The following SNED1 variants were observed in gnomAD, a reference collection of about 807,000 sequenced individuals.
The protein encoded by SNED1 is sushi, nidogen and EGF-like domain-containing protein 1.
SNED1 carries 81 observed loss-of-function variants against 166.7 expected under a neutral mutation model. The observed-to-expected ratio is 0.49, with a 90% confidence interval of 0.41 to 0.58. The LOEUF is 0.58. SNED1 is among the 20% of genes least tolerant of loss of function. The probability of loss-of-function intolerance (pLI) is 0.00; values close to 1 mark genes in which losing one functional copy is unlikely to be tolerated. For synonymous variants in SNED1, 762 were observed against 822.0 expected (o/e 0.93, Z 1.25); for missense variants, 1,604 against 2,000.2 (o/e 0.80, Z 3.78).
intron 27 of SNED1, among the ~76,000 whole-genome samples, chr2:241,080,224 C>T (rs1046561195): frequency 6.6e-6 from 1 of 152,158 alleles, no homozygotes; most frequent in Non-Finnish European, 1.5e-5. Context: ...GCAGAGGTTA[C>T]AGTGAGCTGA....
chr2:241,000,242 T>C (rs534897661), intron 1 of SNED1, among the ~76,000 whole-genome samples: 4 of 152,002 alleles, frequency 2.6e-5, no homozygotes, highest in African/African-American at 9.7e-5. Flanking sequence ...TGCCCTCTAG[T>C]GCGCCTCCCA....
intron 13 of SNED1, 36 bp from the exon 14 acceptor site, chr2:241,052,005 A>C (rs755828824): frequency 3.2e-6 from 5 of 1,582,964 alleles, no homozygotes; most frequent in Non-Finnish European, 3.5e-6. Context: ...TGGGAGGGGC[A>C]GTGGGCTGTG....
In SNED1 at chr2:241,065,579, G is replaced by A. The variant is rs767119044; in HGVS notation, c.2994G>A (p.Val998=). The change falls in exon 21 of 32, where the codon GTG becomes GTA. Residue 998 remains valine (V), a synonymous_variant. Transcript: ENST00000310397. The part of the protein sequence containing the change: ...NNKNDISRPA[V]LLARTRPRPV... ...AGAATGACATCAGCAGGCCTGCCGTGCTGCTGGCCCGCACGCGTGAGTGTC... is the reference window on the plus strand; with the variant it reads ...AGAATGACATCAGCAGGCCTGCCGTACTGCTGGCCCGCACGCGTGAGTGTC... The A allele has an allele frequency of 1.9e-6, 3 of 1,612,198 alleles. No homozygotes were observed. The highest frequency in any genetic ancestry group is 2.2e-5 in the South Asian group (2 of 91,042).
chr2:240,998,849 C>T lies in SNED1; in HGVS notation c.12C>T (p.Gly4=). 8.3e-7 allele frequency: 1 copy of T among 1,202,844 alleles called. No individual in the cohort carries two copies. Among genetic ancestry groups the T allele is most frequent in the Non-Finnish European group, 1.0e-6 (1 of 971,790 alleles). The allele number at this position is 1,202,844 out of a possible 1,614,324, so 74.5% of individuals were successfully genotyped here. A position where few individuals can be genotyped will look rare whatever the true frequency, so the allele number is the denominator to read the frequency against. The change falls in exon 1 of 32, where the codon GGC becomes GGT. Residue 4 remains glycine, a synonymous_variant. Coordinates refer to ENST00000310397, the MANE Select transcript of SNED1 (RefSeq NM_001080437.3). The stretch of plus-strand genomic sequence containing the variant: ...CGCACACCTCCGCGATGCGGCACGG[C>T]GTCGCCTGGGCGCTGCTGGTGGCCG... MRH[G]VAWALLVAAA...
chr2:241,044,600 A>G (rs941957228), intron 8 of SNED1, among the ~76,000 whole-genome samples: 1 of 152,234 alleles, frequency 6.6e-6, no homozygotes, highest in African/African-American at 2.4e-5. Context: ...CCTCAAAACC[A>G]GAAGTGGGCA....
Position 241,067,829 on chromosome 2 carries a change from G to A in SNED1, c.3076G>A (p.Ala1026Thr), listed in dbSNP as rs770541043. 6.2e-7 allele frequency: 1 copy of A among 1,613,446 alleles called. No individual in the cohort carries two copies. Among genetic ancestry groups the A allele is most frequent in the Non-Finnish European group, 8.5e-7 (1 of 1,179,756 alleles). The change falls in exon 22 of 32, where the codon GCC (alanine) becomes ACC (threonine). Residue 1026 changes from alanine (A) to threonine (T), a missense_variant. Physicochemically the swap from Ala to Thr is moderately conservative, Grantham distance 58. Around this residue, in one of 2 missense-constraint regions of SNED1, gnomAD observed 1,237 missense variants for 1,620.8 expected, o/e 0.76. Transcript: ENST00000310397. Reference sequence around the variant, plus strand: ...GGCTAGCACCATCTCAGTGCAGTGGGCCCTGCACAGGATCCGCCATGCCAC... The same window carrying A: ...GGCTAGCACCATCTCAGTGCAGTGGACCCTGCACAGGATCCGCCATGCCAC... ...VTASTISVQW[A>T]LHRIRHATVS... is the part of the protein sequence containing the mutation.
rs1253489482 is a variant in SNED1, at chr2:241,094,779, G to T, written c.*3143G>T. ...CCCACTAGAATCCTACAATCTACCAGATCCTAGGATCTAGTTGATCCTAGA... is the reference window on the plus strand; with the variant it reads ...CCCACTAGAATCCTACAATCTACCATATCCTAGGATCTAGTTGATCCTAGA... On this transcript the variant is annotated 3_prime_UTR_variant, in exon 32 of 32. Transcript: ENST00000310397. This position sits in a 1 kb window ranked among gnomAD's most constrained non-coding sequence, Gnocchi z 4.3. 3 of 168,184 alleles carry T rather than the reference G, an allele frequency of 1.8e-5. No individual in the cohort carries two copies. Among genetic ancestry groups the T allele is most frequent in the Admixed American group, 1.2e-4 (2 of 17,166 alleles). The allele number at this position is 168,184 out of a possible 1,614,324, so 10.4% of individuals were successfully genotyped here.
rs1273334209 is a variant in SNED1 at position 241,044,715 on chromosome 2, C to CACTT, written c.1274-3600_1274-3599insACTT. Among the ~76,000 whole-genome samples, 99 of 152,248 alleles carry CACTT rather than the reference C, an allele frequency of 6.5e-4. 1 individual carries two copies. Among genetic ancestry groups the CACTT allele is most frequent in the African/African-American group, 2.2e-3 (92 of 41,542 alleles). ...GGAATCCTCAAGTGCCCTTAAACTG[C>CACTT]GAAGGAAGAAACCTTCCTCTCCAGT... is the stretch of plus-strand genomic sequence containing the variant. On this transcript the variant is annotated intron_variant, in intron 8 of 31. Coordinates refer to ENST00000310397, the MANE Select transcript of SNED1 (RefSeq NM_001080437.3).
intron 30 of SNED1, chr2:241,087,907 G>C (rs540412121): frequency 7.2e-6 from 3 of 418,732 alleles, no homozygotes; most frequent in Admixed American, 8.3e-5. Context: ...AAAGAAGTAC[G>C]TGAGAATATT....
Position 241,057,340 on chromosome 2 carries a change from T to C in SNED1, c.2257+4014T>C, listed in dbSNP as rs184410884. Among the ~76,000 whole-genome samples the C allele has an allele frequency of 1.3e-3, 186 of 146,816 alleles. 2 individuals carry two copies. Among genetic ancestry groups the C allele is most frequent in the African/African-American group, 4.5e-3 (175 of 38,988 alleles). Reference sequence around the variant, plus strand: ...GTTGCAATGAGCCGAGATTGCGCCATTGCACTCCAGCCTGGGCGACGAGCA... The same window carrying C: ...GTTGCAATGAGCCGAGATTGCGCCACTGCACTCCAGCCTGGGCGACGAGCA... On this transcript the variant is annotated intron_variant, in intron 16 of 31. Transcript: ENST00000310397.
chr2:241,086,754 T>C (rs752559080), intron 29 of SNED1, among the ~76,000 whole-genome samples: 4 of 152,232 alleles, frequency 2.6e-5, no homozygotes, highest in Non-Finnish European at 4.4e-5. Context: ...CTCCTTGGAT[T>C]TCCCTTTTAA....
chr2:241,041,056 T>A (rs1024776333), intron 8 of SNED1: 5 of 348,490 alleles, frequency 1.4e-5, no homozygotes, highest in Non-Finnish European at 2.3e-5. Flanking sequence ...AGACAAACTA[T>A]TCAGGTTATT....
intron 1 of SNED1, among the ~76,000 whole-genome samples, chr2:241,022,386 T>C (rs956969138): frequency 6.6e-5 from 10 of 152,278 alleles, no homozygotes; most frequent in Non-Finnish European, 1.2e-4. Context: ...TTGATCCATC[T>C]TGAGTTAATT....
intron 1 of SNED1, among the ~76,000 whole-genome samples, chr2:241,027,136 A>C (rs561304082): frequency 6.6e-6 from 1 of 151,832 alleles, no homozygotes; most frequent in East Asian, 1.9e-4. Context: ...TCTGGAGTGC[A>C]GTGGCATGAT....
intron 6 of SNED1, among the ~76,000 whole-genome samples, chr2:241,039,116 C>T (rs1234719605): frequency 6.6e-6 from 1 of 152,196 alleles, no homozygotes; most frequent in African/African-American, 2.4e-5. Flanking sequence ...CGACCCCCCA[C>T]AGGGGCTCCC....
chr2:241,052,283 G>T, intron 14 of SNED1, 72 bp from the exon 15 acceptor site: 2 of 1,453,146 alleles, frequency 1.4e-6, no homozygotes, highest in Non-Finnish European at 1.9e-6. Flanking sequence ...GGGTGCAGGA[G>T]GCAGGATGCC....
chr2:241,016,974 T>C (rs1204008817), intron 1 of SNED1, among the ~76,000 whole-genome samples: 1 of 150,270 alleles, frequency 6.7e-6, no homozygotes, highest in African/African-American at 2.4e-5. Flanking sequence ...TGCCTCAGCC[T>C]CCCGAGTAGC....
chr2:241,087,888 C>T (rs1473388438), intron 30 of SNED1: 3 of 426,918 alleles, frequency 7.0e-6, no homozygotes, highest in Non-Finnish European at 1.2e-5. Flanking sequence ...TACTGTTTGG[C>T]GTTTGCTGAA....
chr2:241,048,414 G>A lies in SNED1; in HGVS notation c.1373G>A (p.Gly458Asp), dbSNP rs767510996. Residue 458 changes from glycine to aspartate, a missense_variant, in exon 9 of 32, where the codon GGC becomes GAC. This residue lies in a region of SNED1 where 1,237 missense variants were observed against 1,620.8 expected (regional missense o/e 0.76). Transcript: ENST00000310397. The stretch of plus-strand genomic sequence containing the variant: ...GGCTACGTGTGCGAGTGCCCCGAAG[G>A]CTTCATGGGCCTGGACTGCAGGGAG... ...DQGYVCECPE[G>D]FMGLDCRERV... 2 of 1,610,384 alleles carry A rather than the reference G, an allele frequency of 1.2e-6. No homozygotes were observed. The highest frequency in any genetic ancestry group is 2.7e-5 in the African/African-American group (2 of 74,864).
Sources: gnomAD v4.1 joint callset for allele counts (sites outside exome capture counted in the v4.1 genomes callset) on GRCh38, gnomAD v4.1.1 for gene constraint, gnomAD v4.1.1 regional missense constraint, Gnocchi (gnomAD v3.1) non-coding constraint, MANE v1.5 for transcripts, NCBI Gene and HGNC (gene_info 2026-07-23, HGNC 2026-07-21) for gene names.